SPSB4: variants seen among roughly 807,000 people sequenced by gnomAD.
The protein encoded by SPSB4 is SPRY domain-containing SOCS box protein 4.
Under a neutral mutation model 20.9 loss-of-function variants are expected in SPSB4, and 21 were observed. The ratio of observed to expected loss-of-function variants is 1.01; its 90% confidence interval spans 0.71 to 1.45. The LOEUF is 1.45. Ranked by LOEUF, SPSB4 falls within the 40% of genes most tolerant of loss-of-function variation. The probability of loss-of-function intolerance (pLI) is 0.00; values close to 1 mark genes in which losing one functional copy is unlikely to be tolerated. For missense variants in SPSB4, 399 were observed against 399.2 expected (o/e 1.00, Z 0.00); for synonymous variants, 207 against 183.8 (o/e 1.13, Z -1.02).
intron 2 of SPSB4, among the ~76,000 whole-genome samples, chr3:141,119,733 TATTTCTG>T (rs1423942686): frequency 6.6e-6 from 1 of 152,232 alleles, no homozygotes; most frequent in East Asian, 1.9e-4. Context: ...TGTATTATTG[TATTTCTG>T]TGGGATCAGT....
At chr3:141,088,453 C>G (rs1201599272) in intron 2 of SPSB4, among the ~76,000 whole-genome samples, 1 of 152,208 alleles carries the variant, frequency 6.6e-6, no homozygotes, top group Non-Finnish European at 1.5e-5. Flanking sequence ...TCCCCACTTC[C>G]TAGCAGACTC....
chr3:141,119,253 T>C (rs943477047), intron 2 of SPSB4, among the ~76,000 whole-genome samples: 15 of 152,218 alleles, frequency 9.9e-5, no homozygotes, highest in Non-Finnish European at 1.9e-4. Flanking sequence ...TTTGTAGTAA[T>C]TGTGAATGGG....
intron 2 of SPSB4, among the ~76,000 whole-genome samples, chr3:141,110,460 C>T (rs1938777810): frequency 6.6e-6 from 1 of 152,196 alleles, no homozygotes; most frequent in African/African-American, 2.4e-5. Context: ...TCAATCTTCA[C>T]ACAACTTGTT....
At chr3:141,146,565 G>C (rs917287442) in intron 2 of SPSB4, among the ~76,000 whole-genome samples, 1 of 152,124 alleles carries the variant, frequency 6.6e-6, no homozygotes, top group Non-Finnish European at 1.5e-5. Context: ...CACGAGGTCA[G>C]GAGATCGAGA....
In SPSB4 at chr3:141,051,963, C is replaced by T. The variant is rs1006361229; in HGVS notation, c.-183C>T. 1 of 152,298 alleles carries T rather than the reference C, an allele frequency of 6.6e-6. No homozygotes were observed. The highest frequency in any genetic ancestry group is 2.4e-5 in the African/African-American group (1 of 41,462). 9.4% of individuals were successfully genotyped at this position (152,298 alleles called of 1,614,324 possible). On this transcript the variant is annotated 5_prime_UTR_variant, in exon 1 of 3. Transcript: ENST00000310546. The stretch of plus-strand genomic sequence containing the variant: ...GGACCTGCCAGCGCTGGGGATTCTT[C>T]CCGAACAGGCGCTTGCCCTCTCTTT...
At chr3:141,096,003 T>C (rs745931619) in intron 2 of SPSB4, among the ~76,000 whole-genome samples, 3 of 152,030 alleles carry the variant, frequency 2.0e-5, no homozygotes, top group African/African-American at 4.8e-5. Flanking sequence ...AGCCAGATGA[T>C]ATTAGGGTTT....
intron 2 of SPSB4, among the ~76,000 whole-genome samples, chr3:141,116,692 C>T (rs1488185846): frequency 6.6e-6 from 1 of 152,180 alleles, no homozygotes; most frequent in African/African-American, 2.4e-5. Context: ...GGATTAAATA[C>T]AGTAAGACAA....
chr3:141,139,044 G>C (rs894796874), intron 2 of SPSB4, among the ~76,000 whole-genome samples: 1 of 152,176 alleles, frequency 6.6e-6, no homozygotes, highest in Non-Finnish European at 1.5e-5. Flanking sequence ...ATATATTTAG[G>C]ATAGTTAGTT....
At chr3:141,090,536 T>C (rs1576526916) in intron 2 of SPSB4, among the ~76,000 whole-genome samples, 1 of 152,048 alleles carries the variant, frequency 6.6e-6, no homozygotes, top group South Asian at 2.1e-4. Context: ...GAGTGAGCTA[T>C]GTGGGTATCT....
intron 2 of SPSB4, among the ~76,000 whole-genome samples, chr3:141,107,999 C>A (rs1938726536): frequency 6.6e-6 from 1 of 151,912 alleles, no homozygotes; most frequent in Non-Finnish European, 1.5e-5. Context: ...CTGCGGTGGC[C>A]TCTTTCGCTG....
In SPSB4 at chr3:141,147,477, T is replaced by C. The variant is rs1247282558; in HGVS notation, c.*208T>C. On this transcript the variant is annotated 3_prime_UTR_variant, in exon 3 of 3. Coordinates refer to ENST00000310546, the MANE Select transcript of SPSB4 (RefSeq NM_080862.3). ...GTATCTACTGCCCTCGAGGCAGCCC[T>C]CCCAAGTCAGACACCTCCTTCGGAG... 1.4e-5 allele frequency: 11 copies of C among 760,574 alleles called. No homozygotes were observed. In the African/African-American group the frequency reaches 1.9e-4, roughly 13 times the overall value. The allele number at this position is 760,574 out of a possible 1,614,324, so 47.1% of individuals were successfully genotyped here.
chr3:141,133,300 A>T (rs1362065336), intron 2 of SPSB4, among the ~76,000 whole-genome samples: 2 of 152,190 alleles, frequency 1.3e-5, no homozygotes, highest in African/African-American at 4.8e-5. Flanking sequence ...TAGTTTAATT[A>T]GGTCCCATCT....
At position 141,066,407 on chromosome 3, in the gene SPSB4, G is replaced by A. The variant is rs766631402; in HGVS notation, c.303G>A (p.Gln101=). ...VGHARGLHAW[Q]INWPARQRGT... ...ACGCCCGCGGCCTGCACGCCTGGCA[G>A]ATCAACTGGCCGGCTCGGCAGCGCG... Residue 101 remains glutamine (Q), a synonymous_variant, in exon 2 of 3, where the codon CAG becomes CAA. Transcript: ENST00000310546. The A allele has an allele frequency of 2.6e-6, 4 of 1,534,308 alleles. No individual in the cohort carries two copies. Among genetic ancestry groups the A allele is most frequent in the Non-Finnish European group, 3.5e-6 (4 of 1,141,516 alleles).
At chr3:141,121,239 C>T (rs1182204294) in intron 2 of SPSB4, among the ~76,000 whole-genome samples, 1 of 152,128 alleles carries the variant, frequency 6.6e-6, no homozygotes, top group Non-Finnish European at 1.5e-5. Context: ...GAATATTGCC[C>T]CTCAGTCTCC....
rs34223433 is a variant in SPSB4, at chr3:141,111,354, C to CTTTTTTTTTTT, written c.695-35772_695-35762dup. Among the ~76,000 whole-genome samples, 2 of 61,802 alleles carry CTTTTTTTTTTT rather than the reference C, an allele frequency of 3.2e-5. 1 individual carries two copies. The allele number at this position is 61,802 out of a possible 152,430, so 40.5% of individuals were successfully genotyped here. A position where few individuals can be genotyped will look rare whatever the true frequency, so the allele number is the denominator to read the frequency against. On this transcript the variant is annotated intron_variant, in intron 2 of 2. Transcript: ENST00000310546. ...CCTAATTACTAAACCCTGGAACTTGCTTTTTTTTTTTTTTTTTTTTTTTTT... is the reference window on the plus strand; with the variant it reads ...CCTAATTACTAAACCCTGGAACTTGCTTTTTTTTTTTTTTTTTTTTTTTTTTTTTTTTTTTT...
rs201013435 is a variant in SPSB4 at position 141,147,316 on chromosome 3, C to T, written c.*47C>T. 2.4e-4 allele frequency: 389 copies of T among 1,608,998 alleles called. 2 individuals are homozygous for T. The East Asian group carries it at 7.3e-3, about 30-fold the overall frequency. On this transcript the variant is annotated 3_prime_UTR_variant, in exon 3 of 3. Transcript: ENST00000310546. Reference sequence around the variant, plus strand: ...AGACACAGACACACACCGCAGGGCCCGACCCTCCTGTCATTCACAGTCCCA... The same window carrying T: ...AGACACAGACACACACCGCAGGGCCTGACCCTCCTGTCATTCACAGTCCCA...
chr3:141,146,095 C>A (rs550070057), intron 2 of SPSB4, among the ~76,000 whole-genome samples: 2 of 151,836 alleles, frequency 1.3e-5, no homozygotes, highest in Non-Finnish European at 2.9e-5. Flanking sequence ...TACCTGCCCC[C>A]ACCCTCTTCC....
chr3:141,116,363 T>C (rs567760995), intron 2 of SPSB4, among the ~76,000 whole-genome samples: 3 of 152,224 alleles, frequency 2.0e-5, no homozygotes, highest in Non-Finnish European at 4.4e-5. Context: ...GCAGGGTCCC[T>C]CACTCTGGCT....
At chr3:141,055,955 C>G (rs1233604955) in intron 1 of SPSB4, among the ~76,000 whole-genome samples, 1 of 152,186 alleles carries the variant, frequency 6.6e-6, no homozygotes, top group African/African-American at 2.4e-5. Flanking sequence ...GGAGACCCGG[C>G]TTGAGAGTGT....
Sources: allele counts gnomAD v4.1 joint callset (sites outside exome capture counted in the v4.1 genomes callset), GRCh38; gene constraint gnomAD v4.1.1; transcripts MANE v1.5; gene names NCBI Gene and HGNC (gene_info 2026-07-23, HGNC 2026-07-21).